GRID2: variants seen among roughly 807,000 people sequenced by gnomAD.
GRID2 encodes glutamate receptor ionotropic, delta-2.
A neutral mutation model predicts 114.8 loss-of-function variants in GRID2; 33 were observed. The observed-to-expected ratio is 0.29, with a 90% CI of 0.22 to 0.38. The LOEUF (loss-of-function observed/expected upper bound fraction) is 0.38. Ranked by LOEUF, GRID2 falls within the 10% of genes least tolerant of loss-of-function variation. GRID2 has a pLI of 1.00. For synonymous variants in GRID2, 505 were observed against 449.9 expected (o/e 1.12, Z -1.55); for missense variants, 1,184 against 1,257.7 (o/e 0.94, Z 0.89).
chr4:92,958,516 A>T (rs1046190374), intron 2 of GRID2, among the ~76,000 whole-genome samples: 1 of 152,090 alleles, frequency 6.6e-6, no homozygotes, highest in Admixed American at 6.6e-5. Context: ...TCCGGGATAA[A>T]TCCCACTTGG....
At chr4:93,520,137 T>G (rs969381916) in intron 13 of GRID2, among the ~76,000 whole-genome samples, 1 of 152,168 alleles carries the variant, frequency 6.6e-6, no homozygotes, top group East Asian at 1.9e-4. Context: ...AAAAATTCAG[T>G]GGACTTGAAC....
intron 2 of GRID2, among the ~76,000 whole-genome samples, chr4:92,611,112 GTGTA>G (rs780251892): frequency 9.7e-5 from 13 of 134,582 alleles, no homozygotes; most frequent in East Asian, 2.4e-4. Flanking sequence ...GTATATGTGT[GTGTA>G]TGTGTGTGTG....
chr4:92,326,521 A>G (rs1169319209), intron 1 of GRID2, among the ~76,000 whole-genome samples: 1 of 151,942 alleles, frequency 6.6e-6, no homozygotes, highest in Non-Finnish European at 1.5e-5. Context: ...CTATAGAAGT[A>G]TAGAATATAT....
At chr4:92,796,229 G>A (rs554024010) in intron 2 of GRID2, among the ~76,000 whole-genome samples, 2 of 151,988 alleles carry the variant, frequency 1.3e-5, no homozygotes, top group South Asian at 2.1e-4. Flanking sequence ...GAGATACTGT[G>A]TCTGGGGGCA....
At chr4:93,810,372 A>C (rs1233389772), downstream of GRID2, among the ~76,000 whole-genome samples, 1 of 152,098 alleles carries the variant, frequency 6.6e-6, no homozygotes, top group East Asian at 1.9e-4. Flanking sequence ...TATCAATAAA[A>C]ATTTTGTCAA....
chr4:93,075,132 G>T (rs1304128368), intron 2 of GRID2, among the ~76,000 whole-genome samples: 1 of 152,070 alleles, frequency 6.6e-6, no homozygotes, highest in African/African-American at 2.4e-5. Context: ...CATTATCCTT[G>T]CAAGGATAAT....
chr4:92,655,190 G>T (rs144792148), intron 2 of GRID2, among the ~76,000 whole-genome samples: 254 of 151,894 alleles, frequency 1.7e-3, no homozygotes, highest in Non-Finnish European at 2.8e-3. Context: ...TGTCAAAGAC[G>T]AGTTGGCGTA....
At position 93,256,966 on chromosome 4, in the gene GRID2, T is replaced by G. The variant is rs141850285; in HGVS notation, c.1245+18476T>G. ...GTGACATACTTTTATGTTGGCTGTA[T>G]AGTTTTATTAAAGCATCTAATTTAA... On this transcript the variant is annotated intron_variant, in intron 8 of 15. Transcript: ENST00000282020. Among the ~76,000 whole-genome samples, 11 of 152,012 alleles carry G rather than the reference T, an allele frequency of 7.2e-5. 1 individual carries two copies. The highest frequency in any genetic ancestry group is 2.6e-4 in the African/African-American group (11 of 41,542).
intron 1 of GRID2, among the ~76,000 whole-genome samples, chr4:92,374,787 G>A (rs1283849470): frequency 6.6e-6 from 1 of 152,116 alleles, no homozygotes; most frequent in South Asian, 2.1e-4. Context: ...TCTTGAAGGG[G>A]ATAGAGTCAA....
chr4:93,033,060 T>C (rs975020565), intron 2 of GRID2, among the ~76,000 whole-genome samples: 2 of 152,232 alleles, frequency 1.3e-5, no homozygotes, highest in African/African-American at 4.8e-5. Flanking sequence ...TTATCTAACA[T>C]TGAAATATTT....
At chr4:92,644,455 C>T (rs1447819446) in intron 2 of GRID2, among the ~76,000 whole-genome samples, 2 of 151,704 alleles carry the variant, frequency 1.3e-5, no homozygotes, top group Non-Finnish European at 2.9e-5. Context: ...AGTTGTCAGG[C>T]TGTAGCTCTC....
intron 2 of GRID2, among the ~76,000 whole-genome samples, chr4:92,640,014 T>G (rs1027558959): frequency 2.6e-5 from 4 of 151,808 alleles, no homozygotes; most frequent in African/African-American, 9.7e-5. Flanking sequence ...ATAAAACACT[T>G]AGAGATAGAC....
At chr4:92,460,032 C>CTGTATATATATATATATATATATA (rs749790235) in intron 1 of GRID2, among the ~76,000 whole-genome samples, 1 of 48,442 alleles carries the variant, frequency 2.1e-5, no homozygotes, top group African/African-American at 1.0e-4. Flanking sequence ...ATAAATCTCA[C>CTGTATATATATATATATATATATA]TATATATATA....
intron 1 of GRID2, among the ~76,000 whole-genome samples, chr4:92,471,396 G>A (rs781120666): frequency 6.6e-6 from 1 of 151,970 alleles, no homozygotes; most frequent in Non-Finnish European, 1.5e-5. Context: ...TTAAAGGCTT[G>A]AGTGGTTAGA....
At chr4:93,361,173 A>G (rs1043544039) in intron 8 of GRID2, among the ~76,000 whole-genome samples, 2 of 152,032 alleles carry the variant, frequency 1.3e-5, no homozygotes, top group African/African-American at 4.8e-5. Context: ...GAACCTTATA[A>G]GGTATGATTA....
chr4:93,593,423 C>T (rs1738636538), intron 13 of GRID2, among the ~76,000 whole-genome samples: 2 of 130,940 alleles, frequency 1.5e-5, no homozygotes, highest in South Asian at 2.9e-4. Context: ...CCGAGAGATC[C>T]GCTGTTAGTC....
intron 10 of GRID2, among the ~76,000 whole-genome samples, chr4:93,430,329 C>T (rs1560611859): frequency 6.6e-6 from 1 of 152,074 alleles, no homozygotes; most frequent in Non-Finnish European, 1.5e-5. Context: ...TACACGCACC[C>T]ACCACCATAC....
intron 8 of GRID2, among the ~76,000 whole-genome samples, chr4:93,303,157 T>C (rs1456027743): frequency 6.6e-6 from 1 of 152,096 alleles, no homozygotes; most frequent in Non-Finnish European, 1.5e-5. Flanking sequence ...CCCACTATCA[T>C]GAGAACAGCA....
At chr4:93,047,630 C>T (rs1248196919) in intron 2 of GRID2, among the ~76,000 whole-genome samples, 1 of 151,962 alleles carries the variant, frequency 6.6e-6, no homozygotes, top group Non-Finnish European at 1.5e-5. Context: ...AATTATTGTA[C>T]TTATCATAGA....
Sources: gnomAD v4.1 joint callset for allele counts (sites outside exome capture counted in the v4.1 genomes callset) on GRCh38, gnomAD v4.1.1 for gene constraint, MANE v1.5 for transcripts, NCBI Gene and HGNC (gene_info 2026-07-23, HGNC 2026-07-21) for gene names.